Variants in CORIN observed in about 807,000 individuals in gnomAD.
The protein encoded by CORIN is corin, serine peptidase, also known as atrial natriuretic peptide-converting enzyme.
CORIN carries 117 observed loss-of-function variants against 125.3 expected under a neutral mutation model. That is an observed-to-expected ratio of 0.93 (90% confidence interval 0.80 to 1.09). CORIN has a LOEUF of 1.09. Among genes scored for constraint, CORIN ranks in the 50% least tolerant of loss-of-function variants. The pLI, the probability that CORIN is intolerant of heterozygous loss-of-function variation, is 0.00. For missense variants in CORIN, 1,253 were observed against 1,306.7 expected, an observed-to-expected ratio of 0.96 and a Z score of 0.63; for synonymous variants, 450 against 466.4, an observed-to-expected ratio of 0.96 and a Z score of 0.45.
chr4:47,625,368 T>C (rs1722509660), intron 17 of CORIN, among the ~76,000 whole-genome samples: 1 of 152,146 alleles, frequency 6.6e-6, no homozygotes, highest in Non-Finnish European at 1.5e-5. Context: ...AAGATAACAC[T>C]TGTAGTTAGT....
At chr4:47,657,728 AAG>A (rs376971189) in intron 12 of CORIN, among the ~76,000 whole-genome samples, 1 of 149,824 alleles carries the variant, frequency 6.7e-6, no homozygotes. Flanking sequence ...AAGCAGGAAC[AAG>A]AGAGAGAGAG....
intron 1 of CORIN, among the ~76,000 whole-genome samples, chr4:47,836,544 C>G (rs929646073): frequency 1.3e-5 from 2 of 152,130 alleles, no homozygotes; most frequent in Non-Finnish European, 2.9e-5. Context: ...AACTAGAAGC[C>G]ACAATTGTGC....
At position 47,674,311 on chromosome 4, in the gene CORIN, A is replaced by C. The variant is rs903288834; in HGVS notation, c.1357+82T>G. ...CTTTTTTGGAGGGATTCCAGACTTCAGTATTTGAATGTCAATGCAGAAGAA... is the reference window on the plus strand; with the variant it reads ...CTTTTTTGGAGGGATTCCAGACTTCCGTATTTGAATGTCAATGCAGAAGAA... On this transcript the variant is annotated intron_variant, in intron 10 of 21. Transcript: ENST00000273857. 9 of 969,268 alleles carry C rather than the reference A, an allele frequency of 9.3e-6. No individual in the cohort carries two copies. In the African/African-American group the frequency reaches 1.5e-4, roughly 16 times the overall value. The allele number at this position is 969,268 out of a possible 1,614,324, so 60.0% of individuals were successfully genotyped here. A position where few individuals can be genotyped will look rare whatever the true frequency, so the allele number is the denominator to read the frequency against.
chr4:47,773,072 A>T (rs564618919), intron 3 of CORIN, among the ~76,000 whole-genome samples: 9 of 152,306 alleles, frequency 5.9e-5, no homozygotes, highest in African/African-American at 1.9e-4. Flanking sequence ...AAAAATACGT[A>T]TTGAGTCTCT....
intron 10 of CORIN, among the ~76,000 whole-genome samples, chr4:47,665,938 T>C (rs190618168): frequency 8.5e-5 from 13 of 152,338 alleles, no homozygotes; most frequent in African/African-American, 1.2e-4. Flanking sequence ...TGACACCAGA[T>C]ATTTTAAGAA....
chr4:47,674,362 G>T, intron 10 of CORIN, 31 bp downstream of exon 10: 2 of 1,391,604 alleles, frequency 1.4e-6, no homozygotes, highest in Non-Finnish European at 2.0e-6. Flanking sequence ...GCCCTGACAT[G>T]GCTATTGCAT....
intron 11 of CORIN, among the ~76,000 whole-genome samples, chr4:47,663,153 G>T (rs1465135069): frequency 6.6e-6 from 1 of 152,078 alleles, no homozygotes; most frequent in African/African-American, 2.4e-5. Context: ...ACAATATGCA[G>T]CACCACAAGT....
chr4:47,836,502 A>T (rs2110002677), intron 1 of CORIN, among the ~76,000 whole-genome samples: 2 of 152,308 alleles, frequency 1.3e-5, no homozygotes, highest in South Asian at 4.1e-4. Flanking sequence ...GCTTCCATCG[A>T]TAAGTTACTT....
chr4:47,606,551 G>A (rs532179907), intron 19 of CORIN, among the ~76,000 whole-genome samples: 15 of 152,210 alleles, frequency 9.9e-5, no homozygotes, highest in African/African-American at 3.6e-4. Flanking sequence ...ACCAAGCCCA[G>A]CCCAGAAGAA....
intron 17 of CORIN, among the ~76,000 whole-genome samples, chr4:47,624,294 A>G (rs954237893): frequency 2.6e-5 from 4 of 152,210 alleles, no homozygotes; most frequent in African/African-American, 4.8e-5. Flanking sequence ...AACCACCACA[A>G]TGCAAATTCA....
intron 13 of CORIN, among the ~76,000 whole-genome samples, chr4:47,651,886 T>C (rs1344925217): frequency 2.0e-5 from 3 of 152,222 alleles, no homozygotes; most frequent in South Asian, 4.1e-4. Context: ...TCAGAACTTT[T>C]AGTCTTGGTA....
chr4:47,827,200 G>A, intron 1 of CORIN, among the ~76,000 whole-genome samples: 1 of 152,060 alleles, frequency 6.6e-6, no homozygotes, highest in East Asian at 1.9e-4. Flanking sequence ...AGAGAGCCCA[G>A]ACTTTGGAAG....
intron 20 of CORIN, among the ~76,000 whole-genome samples, chr4:47,601,245 T>G (rs930253915): frequency 7.2e-5 from 11 of 152,172 alleles, no homozygotes; most frequent in Non-Finnish European, 1.6e-4. Flanking sequence ...TAGTTGCTAT[T>G]TTTTTCCATT....
chr4:47,623,564 A>T lies in CORIN; in HGVS notation c.2540+7T>A. The T allele has an allele frequency of 6.2e-7, 1 of 1,613,296 alleles. No homozygotes were observed. The stretch of plus-strand genomic sequence containing the variant: ...AGGCAAAGGAAAAAAGGAAAGGTGC[A>T]GCTTACCCCTCGAAGCAGTGGGCAA... On this transcript the variant is annotated splice_region_variant and intron_variant, in intron 19 of 21. Transcript: ENST00000273857.
At chr4:47,734,839 T>C (rs955619549) in intron 5 of CORIN, among the ~76,000 whole-genome samples, 1 of 152,206 alleles carries the variant, frequency 6.6e-6, no homozygotes, top group Non-Finnish European at 1.5e-5. Flanking sequence ...CAACTCCCCC[T>C]GTTCTCACAG....
At chr4:47,764,091 T>C (rs1006156197) in intron 3 of CORIN, among the ~76,000 whole-genome samples, 2 of 152,188 alleles carry the variant, frequency 1.3e-5, no homozygotes, top group Admixed American at 6.5e-5. Context: ...CTTTAGAATA[T>C]GGAACAAACA....
intron 5 of CORIN, chr4:47,706,821 G>A (rs1379957048): frequency 8.1e-6 from 13 of 1,598,098 alleles, no homozygotes; most frequent in Non-Finnish European, 1.1e-5. Context: ...GACACCCCAT[G>A]GATCACCAAA....
At chr4:47,630,060 T>C (rs1722747786) in intron 16 of CORIN, among the ~76,000 whole-genome samples, 1 of 152,210 alleles carries the variant, frequency 6.6e-6, no homozygotes, top group Non-Finnish European at 1.5e-5. Flanking sequence ...GTTTGTTACA[T>C]GGATGTTCAT....
chr4:47,659,399 T>TG (rs1434749160), intron 12 of CORIN, among the ~76,000 whole-genome samples: 1 of 152,174 alleles, frequency 6.6e-6, no homozygotes, highest in Non-Finnish European at 1.5e-5. Context: ...TATCTGAGAC[T>TG]GGGTAATTTA....
Sources: allele counts gnomAD v4.1 joint callset (sites outside exome capture counted in the v4.1 genomes callset), GRCh38; gene constraint gnomAD v4.1.1; transcripts MANE v1.5; gene names NCBI Gene and HGNC (gene_info 2026-07-23, HGNC 2026-07-21).